PDE8B: variants seen among roughly 807,000 people sequenced by gnomAD.
PDE8B encodes high affinity cAMP-specific and IBMX-insensitive 3',5'-cyclic phosphodiesterase 8B.
In PDE8B, 26 loss-of-function variants were observed where a neutral mutation model predicts 101.3. The observed-to-expected ratio is 0.26, with a 90% confidence interval of 0.19 to 0.36. The LOEUF (loss-of-function observed/expected upper bound fraction) is 0.36. Among genes scored for constraint, PDE8B ranks in the 10% least tolerant of loss-of-function variants. PDE8B has a pLI of 1.00. For synonymous variants in PDE8B, 424 were observed against 429.3 expected, an observed-to-expected ratio of 0.99 and a Z score of 0.15; for missense variants, 810 against 1,163.1, an observed-to-expected ratio of 0.70 and a Z score of 4.42.
chr5:77,277,131 C>G (rs251420), intron 1 of PDE8B, among the ~76,000 whole-genome samples: 29,853 of 152,058 alleles, frequency 0.2, 3,070 homozygotes, highest in Non-Finnish European at 0.23. Context: ...CCAAGGGGTG[C>G]TGTGGTAGAA....
the PDE8B span, among the ~76,000 whole-genome samples, chr5:77,101,715 A>G: frequency 6.6e-6 from 1 of 152,190 alleles, no homozygotes; most frequent in Non-Finnish European, 1.5e-5. Flanking sequence ...AAAGCCTAGC[A>G]CAATGCTGGG....
chr5:77,377,810 G>A (rs1053929776), intron 10 of PDE8B, among the ~76,000 whole-genome samples: 32 of 152,242 alleles, frequency 2.1e-4, no homozygotes, highest in Admixed American at 1.9e-3. Context: ...TGCTTCTTAA[G>A]CTGGGACGTT....
chr5:77,171,390 C>T, the PDE8B span, among the ~76,000 whole-genome samples: 7 of 152,184 alleles, frequency 4.6e-5, no homozygotes, highest in Non-Finnish European at 8.8e-5. Flanking sequence ...ATTTGAAATG[C>T]CAAGCATTTG....
intron 10 of PDE8B, among the ~76,000 whole-genome samples, chr5:77,363,777 C>T (rs1454623254): frequency 4.6e-5 from 7 of 150,546 alleles, no homozygotes; most frequent in Non-Finnish European, 4.4e-5. Flanking sequence ...GAAAAGGCAA[C>T]GAAAGGCAGG....
At chr5:77,280,586 T>C (rs1764770429) in intron 1 of PDE8B, among the ~76,000 whole-genome samples, 2 of 152,288 alleles carry the variant, frequency 1.3e-5, no homozygotes, top group South Asian at 4.1e-4. Context: ...TCCTAATCTC[T>C]TTACTGTTGG....
intron 1 of PDE8B, chr5:77,290,805 G>A (rs569597137): frequency 5.4e-6 from 8 of 1,490,780 alleles, no homozygotes; most frequent in Non-Finnish European, 7.5e-6. Context: ...CAACGCCATT[G>A]TCATGATCTG....
rs541215009 is a variant in PDE8B at position 77,414,596 on chromosome 5, T to C, written c.1911+1287T>C. ...CCACCATGCCCAGCCGATTTTTTTT[T>C]TTTTTTTGTATTTTTAGTAGAGACA... is the stretch of plus-strand genomic sequence containing the variant. On this transcript the variant is annotated intron_variant, in intron 17 of 21. Coordinates refer to ENST00000264917, the MANE Select transcript of PDE8B (RefSeq NM_003719.5). Among the ~76,000 whole-genome samples, 27 of 151,700 alleles carry C rather than the reference T, an allele frequency of 1.8e-4. No homozygotes were observed. The South Asian group carries it at 5.2e-3, about 29-fold the overall frequency.
intron 19 of PDE8B, 50 bp from the exon 20 acceptor site, chr5:77,421,771 G>A (rs936987665): frequency 6.3e-7 from 1 of 1,585,316 alleles, no homozygotes; most frequent in Non-Finnish European, 8.6e-7. Context: ...AACCCTTGTG[G>A]GCTTCACCGT....
intron 1 of PDE8B, among the ~76,000 whole-genome samples, chr5:77,239,903 A>G (rs1466170378): frequency 6.6e-6 from 1 of 152,060 alleles, no homozygotes; most frequent in Non-Finnish European, 1.5e-5. Context: ...TCCCCTGGGA[A>G]CACAATGTTT....
At chr5:77,252,495 G>A (rs1411144743) in intron 1 of PDE8B, among the ~76,000 whole-genome samples, 2 of 152,106 alleles carry the variant, frequency 1.3e-5, no homozygotes, top group Non-Finnish European at 2.9e-5. Flanking sequence ...GTTTTGAGTT[G>A]TCCTTATTGG....
intron 1 of PDE8B, among the ~76,000 whole-genome samples, chr5:77,310,077 G>A (rs1772247398): frequency 6.9e-6 from 1 of 144,650 alleles, no homozygotes; most frequent in African/African-American, 2.6e-5. Flanking sequence ...AGCCTCCCAA[G>A]CAGCTGGGAT....
the PDE8B span, among the ~76,000 whole-genome samples, chr5:77,186,268 C>T: frequency 1.8e-3 from 274 of 152,288 alleles, 1 homozygote; most frequent in African/African-American, 6.1e-3. Context: ...CAACAGCCTA[C>T]GCATATTAAA....
chr5:77,426,355 T>C (rs1290203599), intron 21 of PDE8B, 90 bp from the exon 22 acceptor site: 2 of 819,804 alleles, frequency 2.4e-6, no homozygotes, highest in East Asian at 5.2e-5. Flanking sequence ...CTAATTCTGA[T>C]CCCAAACTTG....
intron 10 of PDE8B, among the ~76,000 whole-genome samples, chr5:77,384,542 T>C (rs1465948159): frequency 1.3e-5 from 2 of 152,326 alleles, no homozygotes; most frequent in African/African-American, 4.8e-5. Flanking sequence ...GGCATCCTTG[T>C]CTTGTGCTGG....
chr5:77,274,056 A>C (rs1763342551), intron 1 of PDE8B, among the ~76,000 whole-genome samples: 1 of 152,120 alleles, frequency 6.6e-6, no homozygotes, highest in South Asian at 2.1e-4. Context: ...TCCCGACCTC[A>C]GGTGATCTGC....
At chr5:77,416,699 C>G (rs374373936) in intron 17 of PDE8B, among the ~76,000 whole-genome samples, 1 of 152,158 alleles carries the variant, frequency 6.6e-6, no homozygotes, top group Non-Finnish European at 1.5e-5. Flanking sequence ...TTCAGGGAAG[C>G]CTGCTAAACC....
the PDE8B span, among the ~76,000 whole-genome samples, chr5:77,156,527 A>C: frequency 6.6e-6 from 1 of 152,202 alleles, no homozygotes; most frequent in African/African-American, 2.4e-5. Flanking sequence ...TGTCTATTAC[A>C]TACTGTGAAT....
the PDE8B span, among the ~76,000 whole-genome samples, chr5:77,169,181 T>C: frequency 6.6e-6 from 1 of 152,202 alleles, no homozygotes; most frequent in Non-Finnish European, 1.5e-5. Context: ...TTTTGTTTGC[T>C]TGCTTTTGGA....
chr5:77,394,636 G>C (rs1440014442), intron 10 of PDE8B, among the ~76,000 whole-genome samples: 3 of 152,162 alleles, frequency 2.0e-5, no homozygotes, highest in Admixed American at 2.0e-4. Flanking sequence ...TGTAGTACTA[G>C]GTAGGAAAAA....
Sources: allele counts gnomAD v4.1 joint callset (sites outside exome capture counted in the v4.1 genomes callset), GRCh38; gene constraint gnomAD v4.1.1; transcripts MANE v1.5; gene names NCBI Gene and HGNC (gene_info 2026-07-23, HGNC 2026-07-21).